ADCY10: variants seen among roughly 807,000 people sequenced by gnomAD.
The protein encoded by ADCY10 is adenylate cyclase 10.
A neutral mutation model predicts 183.3 loss-of-function variants in ADCY10; 156 were observed. The ratio of observed to expected loss-of-function variants is 0.85; its 90% CI spans 0.75 to 0.97. The LOEUF (loss-of-function observed/expected upper bound fraction) is 0.97. Ranked by LOEUF, ADCY10 falls within the 50% of genes least tolerant of loss-of-function variation. The probability of loss-of-function intolerance (pLI) is 0.00; values close to 1 mark genes in which losing one functional copy is unlikely to be tolerated. For synonymous variants in ADCY10, 645 were observed against 670.0 expected (o/e 0.96, Z 0.58); for missense variants, 1,745 against 1,934.3 (o/e 0.90, Z 1.84).
At chr1:167,913,776 T>C (rs537739368) in intron 1 of ADCY10, among the ~76,000 whole-genome samples, 200 bp downstream of exon 1, 4 of 152,262 alleles carry the variant, frequency 2.6e-5, no homozygotes, top group Non-Finnish European at 5.9e-5. Flanking sequence ...GCATCCAGGT[T>C]GAGAAGGTGA....
chr1:167,863,692 G>A (rs1049804363), intron 14 of ADCY10, among the ~76,000 whole-genome samples: 6 of 152,228 alleles, frequency 3.9e-5, no homozygotes, highest in African/African-American at 9.6e-5. Flanking sequence ...CCAGAGTGAC[G>A]CGGATCCTGA....
intron 5 of ADCY10, 139 bp from the exon 6 acceptor site, chr1:167,899,767 A>T: frequency 1.3e-6 from 1 of 798,704 alleles, no homozygotes; most frequent in South Asian, 1.5e-5. Flanking sequence ...TTTACATAGG[A>T]ATTATGGCAT....
In ADCY10 at chr1:167,880,628, G is replaced by T; in HGVS notation, c.1021-19C>A. On this transcript the variant is annotated intron_variant, in intron 9 of 32. Coordinates refer to ENST00000367851, the MANE Select transcript of ADCY10 (RefSeq NM_018417.6). ...AGCAGCCCTGTGAGGGAGAGAGACA[G>T]CAACCACAGCTGATGGACAGTGTGC... 2 of 1,549,642 alleles carry T rather than the reference G, an allele frequency of 1.3e-6. No individual in the cohort carries two copies. The highest frequency in any genetic ancestry group is 1.8e-6 in the Non-Finnish European group (2 of 1,121,390).
At chr1:167,867,378 G>C (rs531545809) in intron 14 of ADCY10, among the ~76,000 whole-genome samples, 1 of 152,142 alleles carries the variant, frequency 6.6e-6, no homozygotes, top group African/African-American at 2.4e-5. Context: ...ATTTGGACTT[G>C]TACAGTAAGG....
chr1:167,890,883 T>A (rs572868557), intron 8 of ADCY10, among the ~76,000 whole-genome samples: 2 of 152,314 alleles, frequency 1.3e-5, no homozygotes, highest in East Asian at 3.9e-4. Context: ...TAACACAGCT[T>A]TCCCAAGGTC....
chr1:167,828,422 TCTTTCACC>T (rs1663472946), intron 26 of ADCY10, among the ~76,000 whole-genome samples: 1 of 152,254 alleles, frequency 6.6e-6, no homozygotes, highest in African/African-American at 2.4e-5. Flanking sequence ...AACATTTTTC[TCTTTCACC>T]CTCATTCTCT....
At chr1:167,898,619 G>T (rs551977206) in intron 6 of ADCY10, among the ~76,000 whole-genome samples, 2 of 151,230 alleles carry the variant, frequency 1.3e-5, no homozygotes, top group Non-Finnish European at 2.9e-5. Flanking sequence ...AAAAAAGAAT[G>T]ATTGAAGAGC....
chr1:167,822,214 G>T, intron 29 of ADCY10, 73 bp from the exon 30 acceptor site: 1 of 1,031,358 alleles, frequency 9.7e-7, no homozygotes, highest in Non-Finnish European at 1.5e-6. Context: ...GTCACTCTCA[G>T]TTGAATTTCC....
Position 167,846,131 on chromosome 1 carries a change from A to T in ADCY10, c.2570T>A (p.Met857Lys). 1 of 1,614,182 alleles carries T rather than the reference A, an allele frequency of 6.2e-7. No homozygotes were observed. Among genetic ancestry groups the T allele is most frequent in the Non-Finnish European group, 8.5e-7 (1 of 1,180,038 alleles). Residue 857 changes from methionine (M) to lysine (K), a missense_variant, in exon 20 of 33, where the codon ATG becomes AAG. Coordinates refer to ENST00000367851, the MANE Select transcript of ADCY10 (RefSeq NM_018417.6). Reference sequence around the variant, plus strand: ...CACTAGGGTTGCCAGGGTCTTGATCATCATCTTCATATTCCAACAGGGGAG... The same window carrying T: ...CACTAGGGTTGCCAGGGTCTTGATCTTCATCTTCATATTCCAACAGGGGAG... ...EILPCWNMKM[M>K]IKTLATLVES... is the part of the protein sequence containing the mutation.
chr1:167,837,283 G>C lies in ADCY10; in HGVS notation c.3043C>G (p.Pro1015Ala), dbSNP rs750718015. The change falls in exon 22 of 33, where the codon CCT becomes GCT. Residue 1015 changes from proline (P) to alanine (A), a missense_variant. Coordinates refer to ENST00000367851, the MANE Select transcript of ADCY10 (RefSeq NM_018417.6). ...EKLILSNSEI[P>A]ETSAFFPENR... is the part of the protein sequence containing the mutation. ...TCAGGAAAAAATGCAGATGTCTCAG[G>C]AATCTCTGAGTTGGACAAGATAAGC... 6.2e-7 allele frequency: 1 copy of C among 1,613,892 alleles called. No homozygotes were observed. The highest frequency in any genetic ancestry group is 8.5e-7 in the Non-Finnish European group (1 of 1,179,938).
In ADCY10 at chr1:167,810,756, A is replaced by G. The variant is rs1662150065; in HGVS notation, c.4640T>C (p.Ile1547Thr). The change falls in exon 32 of 33, where the codon ATA becomes ACA. Residue 1547 changes from isoleucine (I) to threonine (T), a missense_variant. Physicochemically the swap from Ile to Thr is moderately conservative, Grantham distance 89 (BLOSUM62 -1). Transcript: ENST00000367851. ...CATGTTCAGCCAGCATTTCTCCAGT[A>G]TATTCCCCTGTGTTTCAGAGAGCCG... ...ALRLSETQGN[I>T]LEKCWLNMNK... 1.2e-6 allele frequency: 2 copies of G among 1,614,078 alleles called. No individual in the cohort carries two copies. The highest frequency in any genetic ancestry group is 1.3e-5 in the African/African-American group (1 of 74,928).
intron 8 of ADCY10, 71 bp downstream of exon 8, chr1:167,893,782 T>C (rs1668763747): frequency 9.4e-7 from 1 of 1,058,578 alleles, no homozygotes. Flanking sequence ...TTTTTTTTTC[T>C]TAAATCTTAA....
At chr1:167,899,689 A>T in intron 5 of ADCY10, 61 bp from the exon 6 acceptor site, 5 of 1,535,372 alleles carry the variant, frequency 3.3e-6, no homozygotes, top group Non-Finnish European at 4.5e-6. Context: ...CCAGCAGCAC[A>T]GGTTTTTGGA....
intron 13 of ADCY10, among the ~76,000 whole-genome samples, chr1:167,870,638 CAAAAAAAA>C (rs58787930): frequency 5.1e-4 from 48 of 93,744 alleles, no homozygotes; most frequent in Non-Finnish European, 8.6e-4. Context: ...ACTGAAAATA[CAAAAAAAA>C]AAAAAAAAAA....
At chr1:167,902,821 A>C (rs1669531108) in intron 3 of ADCY10, among the ~76,000 whole-genome samples, 1 of 152,238 alleles carries the variant, frequency 6.6e-6, no homozygotes, top group African/African-American at 2.4e-5. Flanking sequence ...AAGGGGACTA[A>C]AGTTTTCAGT....
At chr1:167,875,270 A>G (rs997648944) in intron 12 of ADCY10, 84 bp from the exon 13 acceptor site, 3 of 1,409,598 alleles carry the variant, frequency 2.1e-6, no homozygotes. Context: ...TAGTTCCCAG[A>G]AAGTTTCCTT....
At chr1:167,851,099 T>C (rs149612953) in intron 18 of ADCY10, among the ~76,000 whole-genome samples, 1 of 152,154 alleles carries the variant, frequency 6.6e-6, no homozygotes, top group African/African-American at 2.4e-5. Flanking sequence ...TCTGAAGCAT[T>C]TGAATATAAG....
chr1:167,899,015 A>G (rs1331608067), intron 6 of ADCY10, among the ~76,000 whole-genome samples: 5 of 151,928 alleles, frequency 3.3e-5, no homozygotes, highest in Non-Finnish European at 5.9e-5. Context: ...CTCAACTCCA[A>G]CCTTTACCTT....
At chr1:167,856,923 C>T (rs1665952364) in intron 16 of ADCY10, among the ~76,000 whole-genome samples, 2 of 152,148 alleles carry the variant, frequency 1.3e-5, no homozygotes, top group African/African-American at 2.4e-5. Context: ...TGCTGGCAGC[C>T]GATGCTATTC....
Sources: gnomAD v4.1 joint callset for allele counts (sites outside exome capture counted in the v4.1 genomes callset) on GRCh38, gnomAD v4.1.1 for gene constraint, MANE v1.5 for transcripts, NCBI Gene and HGNC (gene_info 2026-07-23, HGNC 2026-07-21) for gene names.